The following ECT2L variants were observed in gnomAD, a reference collection of about 807,000 sequenced individuals.
ECT2L encodes the protein epithelial cell transforming 2 like, also known as epithelial cell-transforming sequence 2 oncogene-like.
In ECT2L, 126 loss-of-function variants were observed where a neutral mutation model predicts 122.8. That is an observed-to-expected ratio of 1.03 (90% CI 0.89 to 1.19). ECT2L has a LOEUF of 1.19. Among genes scored for constraint, ECT2L ranks in the 50% most tolerant of loss-of-function variants. The probability of loss-of-function intolerance (pLI) is 0.00; values close to 1 mark genes in which losing one functional copy is unlikely to be tolerated. For missense variants in ECT2L, 1,012 were observed against 1,064.1 expected, an observed-to-expected ratio of 0.95 and a Z score of 0.68; for synonymous variants, 385 against 381.8, an observed-to-expected ratio of 1.01 and a Z score of -0.10.
At chr6:138,886,747 A>G (rs1562493172) in intron 18 of ECT2L, 110 bp from the exon 19 acceptor site, 2 of 790,934 alleles carry the variant, frequency 2.5e-6, no homozygotes, top group Non-Finnish European at 4.2e-6. Flanking sequence ...ATTATAACAT[A>G]TGAAAATACC....
At chr6:138,866,348 T>C (rs1211983799) in intron 12 of ECT2L, among the ~76,000 whole-genome samples, 1 of 152,114 alleles carries the variant, frequency 6.6e-6, no homozygotes, top group Non-Finnish European at 1.5e-5. Flanking sequence ...AGATGGAGTC[T>C]TACTCTGTCA....
At chr6:138,879,608 CA>C (rs1439216264) in intron 14 of ECT2L, among the ~76,000 whole-genome samples, 4 of 152,048 alleles carry the variant, frequency 2.6e-5, no homozygotes, top group Non-Finnish European at 1.5e-5. Context: ...CACACAACAT[CA>C]GGGTATGGAA....
In ECT2L at chr6:138,822,311, TG is replaced by T. The variant is rs553084626; in HGVS notation, c.179+7711del. 4.0e-3 allele frequency among the ~76,000 whole-genome samples: 616 copies of T among 152,318 alleles called. 2 individuals are homozygous for T. The highest frequency in any genetic ancestry group is 0.017 in the Middle Eastern group (5 of 294). On this transcript the variant is annotated intron_variant, in intron 4 of 21. Transcript: ENST00000541398. Reference sequence around the variant, plus strand: ...TCACGCGCCTGTAAGCTTAGCATTTTGGGAGGCTGAGGTCGGCGGATCACTT... The same window carrying T: ...TCACGCGCCTGTAAGCTTAGCATTTTGGAGGCTGAGGTCGGCGGATCACTT...
At chr6:138,851,475 G>A (rs991947620) in intron 9 of ECT2L, among the ~76,000 whole-genome samples, 1 of 141,992 alleles carries the variant, frequency 7.0e-6, no homozygotes, top group African/African-American at 2.7e-5. Context: ...GGGCCACTGT[G>A]CCTAGCCTTT....
At chr6:138,888,869 A>G in intron 19 of ECT2L, 74 bp from the exon 20 acceptor site, 1 of 553,130 alleles carries the variant, frequency 1.8e-6, no homozygotes, top group Non-Finnish European at 2.9e-6. Context: ...ATTCTGAGAT[A>G]TAAAATGGTT....
At position 138,903,000 on chromosome 6, in the gene ECT2L, G is replaced by C. The variant is rs540764042; in HGVS notation, c.*373G>C. 5.9e-6 allele frequency: 1 copy of C among 170,540 alleles called. No homozygotes were observed. The highest frequency in any genetic ancestry group is 1.2e-5 in the Non-Finnish European group (1 of 80,838). The allele number at this position is 170,540 out of a possible 1,614,324, so 10.6% of individuals were successfully genotyped here. ...GTTTCTTAAGTGATCAGTCTAGAAA[G>C]ATATTTTAATTTGTTGGTGATTTAC... On this transcript the variant is annotated 3_prime_UTR_variant, in exon 22 of 22. Transcript: ENST00000541398.
intron 4 of ECT2L, among the ~76,000 whole-genome samples, chr6:138,824,348 C>G (rs990647658): frequency 6.6e-6 from 1 of 151,156 alleles, no homozygotes; most frequent in Non-Finnish European, 1.5e-5. Context: ...CCATCTAAAA[C>G]AGATTATTAA....
chr6:138,851,912 T>TTA (rs1777464062), intron 9 of ECT2L, among the ~76,000 whole-genome samples: 1 of 152,138 alleles, frequency 6.6e-6, no homozygotes, highest in Non-Finnish European at 1.5e-5. Context: ...GGCTACAGAT[T>TTA]TATTATATTC....
At chr6:138,875,188 G>T (rs1232908895) in intron 13 of ECT2L, among the ~76,000 whole-genome samples, 1 of 152,234 alleles carries the variant, frequency 6.6e-6, no homozygotes, top group South Asian at 2.1e-4. Flanking sequence ...GAGGACAAAA[G>T]AAATCATTAG....
chr6:138,844,223 T>A (rs1039641740), intron 6 of ECT2L, among the ~76,000 whole-genome samples, 189 bp from the exon 7 acceptor site: 1 of 152,184 alleles, frequency 6.6e-6, no homozygotes, highest in African/African-American at 2.4e-5. Context: ...TGACCTGAAA[T>A]GACCGGTAGC....
chr6:138,834,802 T>C (rs1271069419), intron 4 of ECT2L, among the ~76,000 whole-genome samples: 1 of 152,048 alleles, frequency 6.6e-6, no homozygotes, highest in East Asian at 1.9e-4. Flanking sequence ...CTGTGCTTTA[T>C]TGTTGATACT....
chr6:138,872,713 C>T (rs1195713518), intron 13 of ECT2L, among the ~76,000 whole-genome samples: 1 of 152,198 alleles, frequency 6.6e-6, no homozygotes, highest in Non-Finnish European at 1.5e-5. Flanking sequence ...AACCACATTA[C>T]ACAGGTTCCA....
Position 138,895,100 on chromosome 6 carries a change from GA to G in ECT2L, c.2415-5839del, listed in dbSNP as rs201479290. ...ATAGTTGGACCCCGTCTCTACAGGG[GA>G]AAAAAAAACGTTTTGAAATTAGGTA... is the stretch of plus-strand genomic sequence containing the variant. On this transcript the variant is annotated intron_variant, in intron 20 of 21. Coordinates refer to ENST00000541398, the MANE Select transcript of ECT2L (RefSeq NM_001077706.3). Among the ~76,000 whole-genome samples the G allele has an allele frequency of 3.4e-5, 5 of 148,648 alleles. No homozygotes were observed. The East Asian group carries it at 7.8e-4, about 23-fold the overall frequency.
At chr6:138,816,991 GCTTT>G (rs1417521587) in intron 4 of ECT2L, among the ~76,000 whole-genome samples, 11 of 152,066 alleles carry the variant, frequency 7.2e-5, no homozygotes, top group African/African-American at 1.9e-4. Flanking sequence ...ACACAAATCT[GCTTT>G]CTGTCTCTAT....
chr6:138,876,467 T>C lies in ECT2L; in HGVS notation c.1579-5T>C. On this transcript the variant is annotated splice_region_variant and splice_polypyrimidine_tract_variant and intron_variant, in intron 13 of 21. Transcript: ENST00000541398. The stretch of plus-strand genomic sequence containing the variant: ...CCAATAACCAAGTTTCCATTCAATC[T>C]TCAGGAAAGAAATGTTGTAGAAGAC... 6.2e-7 allele frequency: 1 copy of C among 1,606,424 alleles called. No homozygotes were observed. The highest frequency in any genetic ancestry group is 8.5e-7 in the Non-Finnish European group (1 of 1,173,860).
At chr6:138,824,566 A>C (rs1364898251) in intron 4 of ECT2L, among the ~76,000 whole-genome samples, 5 of 127,568 alleles carry the variant, frequency 3.9e-5, no homozygotes, top group Admixed American at 3.6e-4. Context: ...TATAAAAAAA[A>C]ACAAAAAACA....
chr6:138,840,424 G>A (rs531451606), intron 5 of ECT2L, among the ~76,000 whole-genome samples: 1 of 151,966 alleles, frequency 6.6e-6, no homozygotes, highest in South Asian at 2.1e-4. Flanking sequence ...GCATCTCTGA[G>A]TTTCCATTTG....
chr6:138,871,658 T>C (rs925621496), intron 13 of ECT2L, among the ~76,000 whole-genome samples: 1 of 151,896 alleles, frequency 6.6e-6, no homozygotes, highest in Non-Finnish European at 1.5e-5. Context: ...ATACTAAAAT[T>C]AGCCAGGCAT....
At chr6:138,888,317 CTT>C (rs71270363) in intron 19 of ECT2L, among the ~76,000 whole-genome samples, 28 of 128,622 alleles carry the variant, frequency 2.2e-4, no homozygotes, top group African/African-American at 5.8e-4. Flanking sequence ...TTTTTCTTTT[CTT>C]TTTTTTTTTT....
Sources: gnomAD v4.1 joint callset for allele counts (sites outside exome capture counted in the v4.1 genomes callset) on GRCh38, gnomAD v4.1.1 for gene constraint, MANE v1.5 for transcripts, NCBI Gene and HGNC (gene_info 2026-07-23, HGNC 2026-07-21) for gene names.